TRIO: variants seen among roughly 807,000 people sequenced by gnomAD.
TRIO encodes the protein trio Rho guanine nucleotide exchange factor.
TRIO carries 58 observed loss-of-function variants against 351.9 expected under a neutral mutation model. That is an observed-to-expected ratio of 0.16 (90% CI 0.13 to 0.21). TRIO has a LOEUF of 0.21. Ranked by LOEUF, TRIO falls within the 10% of genes least tolerant of loss-of-function variation. The probability of loss-of-function intolerance (pLI) is 1.00; values close to 1 mark genes in which losing one functional copy is unlikely to be tolerated. For missense variants in TRIO, 3,201 were observed against 4,027.8 expected (o/e 0.79, Z 5.56); for synonymous variants, 1,758 against 1,595.7 (o/e 1.10, Z -2.42).
intron 1 of TRIO, among the ~76,000 whole-genome samples, chr5:14,257,591 G>A (rs936272362): frequency 1.3e-5 from 2 of 152,288 alleles, no homozygotes; most frequent in East Asian, 1.9e-4. Context: ...CAGACGGGGC[G>A]TGGGAAAGAT....
At chr5:14,457,900 A>T (rs1331121578) in intron 34 of TRIO, among the ~76,000 whole-genome samples, 1 of 152,124 alleles carries the variant, frequency 6.6e-6, no homozygotes, top group Non-Finnish European at 1.5e-5. Flanking sequence ...ACTCCCCCCA[A>T]GTTCTAACTT....
At chr5:14,307,542 C>G (rs1738485101) in intron 8 of TRIO, among the ~76,000 whole-genome samples, 1 of 152,180 alleles carries the variant, frequency 6.6e-6, no homozygotes, top group Non-Finnish European at 1.5e-5. Flanking sequence ...AGTGCATGTC[C>G]TTCTCTGGGT....
chr5:14,453,067 CTTT>C (rs777743822), intron 34 of TRIO, among the ~76,000 whole-genome samples: 2 of 151,702 alleles, frequency 1.3e-5, no homozygotes, highest in Non-Finnish European at 2.9e-5. Flanking sequence ...CTTTCTTTAC[CTTT>C]TTTTTCTTTT....
At chr5:14,482,450 T>A in intron 45 of TRIO, 132 bp from the exon 46 acceptor site, 33 of 692,968 alleles carry the variant, frequency 4.8e-5, no homozygotes, top group South Asian at 2.1e-4. Context: ...AAAAAAAAAA[T>A]TAAACTCCAT....
At chr5:14,384,709 C>T (rs963998470) in intron 21 of TRIO, among the ~76,000 whole-genome samples, 5 of 151,794 alleles carry the variant, frequency 3.3e-5, no homozygotes, top group African/African-American at 1.2e-4. Flanking sequence ...TTTATATCCT[C>T]GTATGGAGAA....
chr5:14,411,872 G>A (rs963896365), intron 33 of TRIO, among the ~76,000 whole-genome samples: 15 of 151,988 alleles, frequency 9.9e-5, no homozygotes, highest in African/African-American at 3.4e-4. Context: ...CTCTCAAAAC[G>A]CTGGGATTAT....
Position 14,167,027 on chromosome 5 carries a change from C to G in TRIO, c.157+23145C>G, listed in dbSNP as rs1313721065. On this transcript the variant is annotated intron_variant, in intron 1 of 56. Coordinates refer to ENST00000344204, the MANE Select transcript of TRIO (RefSeq NM_007118.4). ...GGCTTATGTCTTCTGCACAATTCCT[C>G]AGTCTCTAGATTGACCAGGCTCCCC... Among the ~76,000 whole-genome samples, 4 of 151,962 alleles carry G rather than the reference C, an allele frequency of 2.6e-5. No homozygotes were observed. In the East Asian group the frequency reaches 7.7e-4, roughly 29 times the overall value.
chr5:14,387,407 C>T (rs1356278851), intron 21 of TRIO, 31 bp from the exon 22 acceptor site: 2 of 1,567,446 alleles, frequency 1.3e-6, no homozygotes, highest in Admixed American at 1.8e-5. Context: ...GATTCATTTG[C>T]CTCACAATAC....
At chr5:14,331,305 G>T (rs1183671731) in intron 10 of TRIO, among the ~76,000 whole-genome samples, 1 of 152,194 alleles carries the variant, frequency 6.6e-6, no homozygotes, top group East Asian at 1.9e-4. Context: ...CGGGAGTCCA[G>T]TGTGTTCCGA....
intron 34 of TRIO, among the ~76,000 whole-genome samples, chr5:14,446,729 T>A (rs1052970880): frequency 3.9e-5 from 6 of 152,212 alleles, no homozygotes; most frequent in African/African-American, 1.4e-4. Flanking sequence ...CAAATATAAT[T>A]GTAAAAGGAA....
intron 1 of TRIO, among the ~76,000 whole-genome samples, chr5:14,257,020 C>G (rs1211193493): frequency 6.6e-6 from 1 of 152,224 alleles, no homozygotes; most frequent in African/African-American, 2.4e-5. Context: ...GTGTTTGCCT[C>G]TGTGCCAAAG....
chr5:14,369,646 C>A, intron 18 of TRIO, 123 bp downstream of exon 18: 1 of 1,265,112 alleles, frequency 7.9e-7, no homozygotes, highest in African/African-American at 1.5e-5. Context: ...TGGAATGTAA[C>A]GGGGCAGTGT....
intron 1 of TRIO, among the ~76,000 whole-genome samples, chr5:14,187,041 A>G (rs1359620065): frequency 6.6e-6 from 1 of 152,192 alleles, no homozygotes; most frequent in Non-Finnish European, 1.5e-5. Flanking sequence ...ATACCAAGAT[A>G]TGTAAATGTG....
At chr5:14,293,320 T>G (rs1157403808) in intron 6 of TRIO, among the ~76,000 whole-genome samples, 186 bp downstream of exon 6, 1 of 152,128 alleles carries the variant, frequency 6.6e-6, no homozygotes, top group African/African-American at 2.4e-5. Context: ...TTTTAAGTTT[T>G]AAACAAAAAT....
rs558558201 is a variant in TRIO, at chr5:14,149,516, C to T, written c.157+5634C>T. On this transcript the variant is annotated intron_variant, in intron 1 of 56. Coordinates refer to ENST00000344204, the MANE Select transcript of TRIO (RefSeq NM_007118.4). Reference sequence around the variant, plus strand: ...TGAAACCCAAATTACTAATCACCTGCCCCCCGGGAAAGGTTGTATGTGGGG... The same window carrying T: ...TGAAACCCAAATTACTAATCACCTGTCCCCCGGGAAAGGTTGTATGTGGGG... 1.8e-3 allele frequency among the ~76,000 whole-genome samples: 274 copies of T among 152,088 alleles called. 1 individual carries two copies. The highest frequency in any genetic ancestry group is 4.4e-3 in the Admixed American group (67 of 15,272).
intron 1 of TRIO, among the ~76,000 whole-genome samples, chr5:14,211,953 A>G (rs1398567287): frequency 3.6e-5 from 2 of 56,060 alleles, no homozygotes; most frequent in Non-Finnish European, 9.4e-5. Flanking sequence ...CATCTCTCCA[A>G]AAAAAAAAAC....
chr5:14,228,926 A>G (rs1002229682), intron 1 of TRIO, among the ~76,000 whole-genome samples: 4 of 152,148 alleles, frequency 2.6e-5, no homozygotes, highest in African/African-American at 7.2e-5. Flanking sequence ...GAGTCAAGCC[A>G]TCCTGATCTC....
chr5:14,177,201 A>ATCTG (rs1789458351), intron 1 of TRIO, among the ~76,000 whole-genome samples: 1 of 152,178 alleles, frequency 6.6e-6, no homozygotes, highest in African/African-American at 2.4e-5. Context: ...ACAGATTATT[A>ATCTG]TTTATGTTAT....
At chr5:14,448,741 T>C (rs940981701) in intron 34 of TRIO, among the ~76,000 whole-genome samples, 1 of 152,160 alleles carries the variant, frequency 6.6e-6, no homozygotes, top group Non-Finnish European at 1.5e-5. Context: ...TCTGGTTTCA[T>C]TTATATGGAA....
Sources: gnomAD v4.1 joint callset for allele counts (sites outside exome capture counted in the v4.1 genomes callset) on GRCh38, gnomAD v4.1.1 for gene constraint, MANE v1.5 for transcripts, NCBI Gene and HGNC (gene_info 2026-07-23, HGNC 2026-07-21) for gene names.